Variants in CIZ1 observed in about 807,000 individuals in gnomAD.
The protein encoded by CIZ1 is cip1-interacting zinc finger protein.
CIZ1 carries 58 observed loss-of-function variants against 118.6 expected under a neutral mutation model. That is an observed-to-expected ratio of 0.49 (90% confidence interval 0.40 to 0.61). CIZ1 has a LOEUF of 0.61. Among genes scored for constraint, CIZ1 ranks in the 20% least tolerant of loss-of-function variants. The probability of loss-of-function intolerance (pLI) is 0.00; values close to 1 mark genes in which losing one functional copy is unlikely to be tolerated. For synonymous variants in CIZ1, 448 were observed against 443.4 expected, an observed-to-expected ratio of 1.01 and a Z score of -0.13; for missense variants, 921 against 1,115.9, an observed-to-expected ratio of 0.83 and a Z score of 2.49.
Position 128,190,778 on chromosome 9 carries a change from T to C in CIZ1, c.80A>G (p.Gln27Arg), listed in dbSNP as rs1187863824. Reference protein sequence around the residue: ...LQQLQQQQLQQQQLQQQQLLQ... With the variant: ...LQQLQQQQLQRQQLQQQQLLQ... Reference sequence around the variant, plus strand: ...TAACTGCTGCTGCTGCAATTGCTGCTGCTGGAGCTGCTGCTGCTGTAACTG... The same window carrying C: ...TAACTGCTGCTGCTGCAATTGCTGCCGCTGGAGCTGCTGCTGCTGTAACTG... Residue 27 changes from glutamine (Q) to arginine (R), a missense_variant, in exon 2 of 17, where the codon CAG becomes CGG. Physicochemically the swap from Gln to Arg is conservative, Grantham distance 43. Transcript: ENST00000372938. 1 of 1,536,714 alleles carries C rather than the reference T, an allele frequency of 6.5e-7. No individual in the cohort carries two copies.
chr9:128,186,939 C>CTTTT (rs549888043), intron 4 of CIZ1, among the ~76,000 whole-genome samples: 1 of 134,474 alleles, frequency 7.4e-6, no homozygotes, highest in Non-Finnish European at 1.6e-5. Flanking sequence ...TCCTTGTCTG[C>CTTTT]TTTTTTTTTT....
At chr9:128,177,542 C>CCCCCCAATAAA in intron 10 of CIZ1, 24 bp downstream of exon 10, 1 of 1,229,498 alleles carries the variant, frequency 8.1e-7, no homozygotes, top group Non-Finnish European at 1.1e-6. Flanking sequence ...CACCCCTCCC[C>CCCCCCAATAAA]ACCCTTATCT....
intron 10 of CIZ1, 42 bp from the exon 11 acceptor site, chr9:128,176,517 C>T (rs1830869718): frequency 6.3e-7 from 1 of 1,594,494 alleles, no homozygotes; most frequent in Admixed American, 1.7e-5. Flanking sequence ...GGGCGTGAGC[C>T]CAGAACAGTG....
rs1454502213 is a variant in CIZ1 at position 128,166,358 on chromosome 9, G to A, written c.2536C>T (p.Arg846Cys). 3 of 1,561,372 alleles carry A rather than the reference G, an allele frequency of 1.9e-6. No individual in the cohort carries two copies. Among genetic ancestry groups the A allele is most frequent in the Non-Finnish European group, 2.6e-6 (3 of 1,152,332 alleles). The change falls in exon 17 of 17, where the codon CGC becomes TGC. Residue 846 changes from arginine to cysteine, a missense_variant. Arg to Cys is a radical substitution (Grantham distance 180, BLOSUM62 -3). Coordinates refer to ENST00000372938, the MANE Select transcript of CIZ1 (RefSeq NM_001131016.2). The surrounding 1 kb of genome is among the most constrained non-coding windows in gnomAD (Gnocchi z 4.4). ...TTCCGGGCGTTGATTGCGCACCGGC[G>A]GCTCACAGGTCGGGTGGTGGGGCTG... ...NPSPTTRPVS[R>C]RCAINARNAL...
At position 128,178,806 on chromosome 9, in the gene CIZ1, G is replaced by A; in HGVS notation, c.1401C>T (p.Thr467=). Reference sequence around the variant, plus strand: ...GAGCCAGCAACGACACCTGCGGCTGGGTGTGAGGCTGCTCATGGGTCTGCT... The same window carrying A: ...GAGCCAGCAACGACACCTGCGGCTGAGTGTGAGGCTGCTCATGGGTCTGCT... ...PPEQTHEQPH[T]QPQVSLLAPE... is the part of the protein sequence containing the mutation. Residue 467 remains threonine, a synonymous_variant, in exon 8 of 17, where the codon ACC becomes ACT. Coordinates refer to ENST00000372938, the MANE Select transcript of CIZ1 (RefSeq NM_001131016.2). The A allele has an allele frequency of 4.3e-6, 7 of 1,614,254 alleles. No individual in the cohort carries two copies. The highest frequency in any genetic ancestry group is 5.9e-6 in the Non-Finnish European group (7 of 1,180,044).
intron 14 of CIZ1, 53 bp from the exon 15 acceptor site, chr9:128,167,217 A>C: frequency 7.2e-7 from 1 of 1,395,690 alleles, no homozygotes; most frequent in Non-Finnish European, 9.7e-7. Context: ...GACACCTCCC[A>C]GACACAGGTC....
intron 4 of CIZ1, 136 bp downstream of exon 4, chr9:128,187,727 A>G: frequency 3.2e-6 from 1 of 316,448 alleles, no homozygotes; most frequent in Non-Finnish European, 5.7e-6. Context: ...AAAATGTTCA[A>G]CAGACAAATA....
chr9:128,202,569 T>G (rs1401616904), intron 1 of CIZ1, among the ~76,000 whole-genome samples: 1 of 152,122 alleles, frequency 6.6e-6, no homozygotes, highest in Non-Finnish European at 1.5e-5. Context: ...CTTCCCCTGA[T>G]CTGCTTGCTG....
In CIZ1 at chr9:128,203,074, T is replaced by TCTG. The variant is rs1833583933; in HGVS notation, c.-6+1109_-6+1111dup. 1 of 152,230 alleles carries TCTG rather than the reference T, an allele frequency of 6.6e-6. No individual in the cohort carries two copies. The highest frequency in any genetic ancestry group is 2.4e-5 in the African/African-American group (1 of 41,430). The allele number at this position is 152,230 out of a possible 1,614,324, so 9.4% of individuals were successfully genotyped here. ...AGGCTGTGACCTCAGAGGAAGCCCA[T>TCTG]CTGCTCTCCAGGCCTGTTTCCTCAT... On this transcript the variant is annotated intron_variant, in intron 1 of 17. Transcript: ENST00000372948. The surrounding 1 kb of genome is among the most constrained non-coding windows in gnomAD (Gnocchi z 5.3).
At chr9:128,202,149 TACGCATTA>T (rs925566723) in intron 1 of CIZ1, among the ~76,000 whole-genome samples, 1 of 152,216 alleles carries the variant, frequency 6.6e-6, no homozygotes, top group Non-Finnish European at 1.5e-5. Context: ...GCTCAACAAA[TACGCATTA>T]AATGGATGAG....
At chr9:128,193,924 A>G (rs1317365546), upstream of CIZ1, among the ~76,000 whole-genome samples, 2 of 152,228 alleles carry the variant, frequency 1.3e-5, no homozygotes, top group Non-Finnish European at 2.9e-5. Context: ...CATAATGCTT[A>G]GCACTGGCAC....
At chr9:128,196,477 G>A (rs1477163909), upstream of CIZ1, among the ~76,000 whole-genome samples, 1 of 151,796 alleles carries the variant, frequency 6.6e-6, no homozygotes, top group Non-Finnish European at 1.5e-5. Context: ...GGGCCAGAGA[G>A]GTCAAGTCTA....
At chr9:128,198,662 T>C (rs1017568794) in intron 1 of CIZ1, among the ~76,000 whole-genome samples, 1 of 151,904 alleles carries the variant, frequency 6.6e-6, no homozygotes, top group African/African-American at 2.4e-5. Flanking sequence ...TGAAACCCCG[T>C]CTCTACTAAA....
intron 4 of CIZ1, among the ~76,000 whole-genome samples, chr9:128,186,234 G>A (rs992420263): frequency 6.6e-6 from 1 of 151,922 alleles, no homozygotes; most frequent in Non-Finnish European, 1.5e-5. Flanking sequence ...TCAGTCCCTC[G>A]GCCCAGCAGG....
intron 11 of CIZ1, 92 bp from the exon 12 acceptor site, chr9:128,170,199 C>T: frequency 9.6e-7 from 1 of 1,041,878 alleles, no homozygotes; most frequent in Non-Finnish European, 1.5e-6. Flanking sequence ...ATTCCAATAG[C>T]AACTCCCACA....
chr9:128,186,438 T>C (rs1021288582), intron 4 of CIZ1, among the ~76,000 whole-genome samples: 1 of 152,156 alleles, frequency 6.6e-6, no homozygotes, highest in Non-Finnish European at 1.5e-5. Context: ...CTGTCTCCTA[T>C]GCCTCTTCCC....
In CIZ1 at chr9:128,179,409, T is replaced by C. The variant is rs11549267; in HGVS notation, c.798A>G (p.Glu266=). ...CTGGAGGTTCCTTCTCTGTGGGCTC[T>C]TCTGAGCTAGGAAGGATCAAAAAAA... ...ELPAKRLRSS[E]EPTEKEPPGQ... The change falls in exon 8 of 17, where the codon GAA becomes GAG. Residue 266 remains glutamate (E), a synonymous_variant. Transcript: ENST00000372938. 1 of 1,591,460 alleles carries C rather than the reference T, an allele frequency of 6.3e-7. No individual in the cohort carries two copies. Among genetic ancestry groups the C allele is most frequent in the Non-Finnish European group, 8.5e-7 (1 of 1,171,638 alleles).
chr9:128,182,193 G>C (rs894996340), intron 5 of CIZ1, among the ~76,000 whole-genome samples: 10 of 152,052 alleles, frequency 6.6e-5, no homozygotes, highest in African/African-American at 2.4e-4. Flanking sequence ...TAACAGCGCA[G>C]CCCGACATTC....
chr9:128,180,838 T>A, intron 5 of CIZ1, 24 bp from the exon 6 acceptor site: 1 of 1,532,326 alleles, frequency 6.5e-7, no homozygotes, highest in Non-Finnish European at 9.0e-7. Flanking sequence ...GAAACTATGT[T>A]GACATCCAAT....
Sources: allele counts gnomAD v4.1 joint callset (sites outside exome capture counted in the v4.1 genomes callset), GRCh38; gene constraint gnomAD v4.1.1; non-coding constraint Gnocchi (gnomAD v3.1); transcripts MANE v1.5; gene names NCBI Gene and HGNC (gene_info 2026-07-23, HGNC 2026-07-21).